The following SMARCD1 variants were observed in gnomAD, a reference collection of about 807,000 sequenced individuals.
The protein encoded by SMARCD1 is SWI/SNF-related matrix-associated actin-dependent regulator of chromatin subfamily D member 1.
SMARCD1 carries 16 observed loss-of-function variants against 70.8 expected under a neutral mutation model. The observed-to-expected ratio is 0.23, with a 90% CI of 0.15 to 0.34. The LOEUF (loss-of-function observed/expected upper bound fraction) is 0.34. Ranked by LOEUF, SMARCD1 falls within the 10% of genes least tolerant of loss-of-function variation. SMARCD1 has a pLI of 1.00. For synonymous variants in SMARCD1, 249 were observed against 246.0 expected, an observed-to-expected ratio of 1.01 and a Z score of -0.11; for missense variants, 409 against 655.5, an observed-to-expected ratio of 0.62 and a Z score of 4.11.
chr12:50,096,251 T>C (rs1410277100), intron 10 of SMARCD1, among the ~76,000 whole-genome samples: 1 of 152,096 alleles, frequency 6.6e-6, no homozygotes, highest in Admixed American at 6.6e-5. Context: ...GTCTCTAGCT[T>C]GGGTGGACAG....
chr12:50,090,372 G>A lies in SMARCD1; in HGVS notation c.1005G>A (p.Glu335=), dbSNP rs1313619009. Residue 335 remains glutamate (E), a synonymous_variant, in exon 8 of 13, where the codon GAG becomes GAA. Transcript: ENST00000394963. ...THKLQDPHER[E]FVICDKYLQQ... Reference sequence around the variant, plus strand: ...AGCTCCAGGACCCTCACGAGCGGGAGTTTGTCATCTGTGACAAGTACCTGC... The same window carrying A: ...AGCTCCAGGACCCTCACGAGCGGGAATTTGTCATCTGTGACAAGTACCTGC... The A allele has an allele frequency of 6.2e-7, 1 of 1,614,090 alleles. No homozygotes were observed. Among genetic ancestry groups the A allele is most frequent in the Non-Finnish European group, 8.5e-7 (1 of 1,180,004 alleles).
intron 5 of SMARCD1, among the ~76,000 whole-genome samples, chr12:50,088,046 G>C (rs1041980142): frequency 1.3e-5 from 2 of 152,140 alleles, no homozygotes; most frequent in Non-Finnish European, 2.9e-5. Context: ...CTGCTCGCAG[G>C]CAAGCTAGTT....
At position 50,088,759 on chromosome 12, in the gene SMARCD1, G is replaced by A. The variant is rs1304378805; in HGVS notation, c.771+122G>A. The A allele has an allele frequency of 2.0e-5, 10 of 503,902 alleles. No homozygotes were observed. The Admixed American group carries it at 2.2e-4, about 11-fold the overall frequency. The allele number at this position is 503,902 out of a possible 1,614,324, so 31.2% of individuals were successfully genotyped here. On this transcript the variant is annotated intron_variant, in intron 6 of 12. Transcript: ENST00000394963. ...AGTCACTCTAGGTGTACACAGTACC[G>A]CTCCAGGTGTACAGTTTGCACATTG...
intron 6 of SMARCD1, 124 bp from the exon 7 acceptor site, chr12:50,089,760 T>A: frequency 1.5e-6 from 1 of 648,340 alleles, no homozygotes; most frequent in Admixed American, 2.7e-5. Context: ...AAATGCCTCA[T>A]GCTATTACTC....
Position 50,087,353 on chromosome 12 carries a change from C to T in SMARCD1, c.532-10C>T. ...AGCCCCACGATCAATCCTGTTTCTGCCTTCCTCAGCAAAAACGGAAGCTGC... is the reference window on the plus strand; with the variant it reads ...AGCCCCACGATCAATCCTGTTTCTGTCTTCCTCAGCAAAAACGGAAGCTGC... On this transcript the variant is annotated splice_polypyrimidine_tract_variant and intron_variant, in intron 4 of 12. Transcript: ENST00000394963. 2 of 1,613,020 alleles carry T rather than the reference C, an allele frequency of 1.2e-6. No homozygotes were observed. The highest frequency in any genetic ancestry group is 2.2e-5 in the South Asian group (2 of 90,974).
At chr12:50,098,480 C>A in intron 11 of SMARCD1, 1 of 536,058 alleles carries the variant, frequency 1.9e-6, no homozygotes, top group Admixed American at 3.4e-5. Flanking sequence ...CTAAATTTCC[C>A]CTCTTTATAA....
chr12:50,086,142 G>T lies in SMARCD1; in HGVS notation c.178-19G>T. Reference sequence around the variant, plus strand: ...AGCAGGTGAAACCATGACATCTCTGGGTCCTCTCCCCTCTGTAGAGACCAG... The same window carrying T: ...AGCAGGTGAAACCATGACATCTCTGTGTCCTCTCCCCTCTGTAGAGACCAG... On this transcript the variant is annotated intron_variant, in intron 1 of 12. Transcript: ENST00000394963. 3 of 1,469,982 alleles carry T rather than the reference G, an allele frequency of 2.0e-6. No individual in the cohort carries two copies. The highest frequency in any genetic ancestry group is 2.7e-6 in the Non-Finnish European group (3 of 1,102,528). 91.1% of individuals were successfully genotyped at this position (1,469,982 alleles called of 1,614,324 possible). A position where few individuals can be genotyped will look rare whatever the true frequency, so the allele number is the denominator to read the frequency against.
chr12:50,092,765 G>A (rs1368740818), intron 9 of SMARCD1, among the ~76,000 whole-genome samples: 4 of 152,040 alleles, frequency 2.6e-5, no homozygotes, highest in African/African-American at 4.8e-5. Flanking sequence ...AGCCAGGCAC[G>A]GTGGCACATT....
chr12:50,093,663 T>C (rs1028250242), intron 9 of SMARCD1, among the ~76,000 whole-genome samples: 1 of 152,056 alleles, frequency 6.6e-6, no homozygotes. Context: ...TTTGAAATTT[T>C]TTGTAGAAAC....
intron 10 of SMARCD1, 56 bp from the exon 11 acceptor site, chr12:50,096,794 T>C (rs1950896857): frequency 6.4e-7 from 1 of 1,560,186 alleles, no homozygotes; most frequent in East Asian, 2.3e-5. Flanking sequence ...CCACCTGCCA[T>C]TTAACTTCTC....
intron 11 of SMARCD1, among the ~76,000 whole-genome samples, chr12:50,097,682 A>C (rs1398862310): frequency 6.6e-6 from 1 of 152,028 alleles, no homozygotes; most frequent in Non-Finnish European, 1.5e-5. Flanking sequence ...ACCTGAGGTC[A>C]GGAGTTTGAG....
At position 50,098,727 on chromosome 12, in the gene SMARCD1, T is replaced by C. The variant is rs1209486937; in HGVS notation, c.1406T>C (p.Val469Ala). 9 of 1,613,704 alleles carry C rather than the reference T, an allele frequency of 5.6e-6. No homozygotes were observed. The highest frequency in any genetic ancestry group is 2.2e-5 in the East Asian group (1 of 44,892). Residue 469 changes from valine (V) to alanine (A), a missense_variant, in exon 12 of 13, where the codon GTG becomes GCG. Coordinates refer to ENST00000394963, the MANE Select transcript of SMARCD1 (RefSeq NM_003076.5). Reference protein sequence around the residue: ...QCRDLKTMTDVVGNPEEERRA... With the variant: ...QCRDLKTMTDAVGNPEEERRA... ...CATTTCCCTCAGACAATGACTGATGTGGTGGGTAACCCAGAGGAGGAGCGC... is the reference window on the plus strand; with the variant it reads ...CATTTCCCTCAGACAATGACTGATGCGGTGGGTAACCCAGAGGAGGAGCGC...
chr12:50,090,445 C>T (rs773301949), intron 8 of SMARCD1, 43 bp downstream of exon 8: 53 of 1,612,912 alleles, frequency 3.3e-5, no homozygotes, highest in Non-Finnish European at 3.8e-5. Context: ...CATTAGAACA[C>T]TAGTTATGCT....
Position 50,098,973 on chromosome 12 carries a change from G to A in SMARCD1, c.1521G>A (p.Glu507=), listed in dbSNP as rs1204119832. The stretch of plus-strand genomic sequence containing the variant: ...TGCAGCAGAGACGACAAGAATTAGA[G>A]CAAGCCCTGGGAATCCGGAATACAT... ...SKVQQRRQEL[E]QALGIRNT is the part of the protein sequence containing the mutation. Residue 507 remains glutamate (E), a synonymous_variant, in exon 13 of 13, where the codon GAG becomes GAA. Coordinates refer to ENST00000394963, the MANE Select transcript of SMARCD1 (RefSeq NM_003076.5). 3.7e-6 allele frequency: 6 copies of A among 1,614,050 alleles called. No homozygotes were observed. In the Admixed American group the frequency reaches 6.7e-5, roughly 18 times the overall value.
chr12:50,096,690 G>T, intron 10 of SMARCD1, 160 bp from the exon 11 acceptor site: 1 of 594,268 alleles, frequency 1.7e-6, no homozygotes, highest in Non-Finnish European at 2.9e-6. Context: ...CTGAAAGAAT[G>T]CCAAGGGTCG....
Position 50,085,496 on chromosome 12 carries a change from G to T in SMARCD1, c.127G>T (p.Ala43Ser). 2 of 1,239,546 alleles carry T rather than the reference G, an allele frequency of 1.6e-6. No individual in the cohort carries two copies. Among genetic ancestry groups the T allele is most frequent in the Non-Finnish European group, 2.0e-6 (2 of 991,542 alleles). 76.8% of individuals were successfully genotyped at this position (1,239,546 alleles called of 1,614,324 possible). A position where few individuals can be genotyped will look rare whatever the true frequency, so the allele number is the denominator to read the frequency against. The change falls in exon 1 of 13, where the codon GCT (alanine) becomes TCT (serine). Residue 43 changes from alanine to serine, a missense_variant. Physicochemically the swap from Ala to Ser is moderately conservative, Grantham distance 99. Coordinates refer to ENST00000394963, the MANE Select transcript of SMARCD1 (RefSeq NM_003076.5). ...GGGGCCTCCTGTGCGAATGGGCCCGGCTCCGGGTCAAGGGCTGTACCGCTC... is the reference window on the plus strand; with the variant it reads ...GGGGCCTCCTGTGCGAATGGGCCCGTCTCCGGGTCAAGGGCTGTACCGCTC... ...TPGPPVRMGPAPGQGLYRSPM... is the reference protein window; with the variant it reads ...TPGPPVRMGPSPGQGLYRSPM...
chr12:50,098,510 TA>T (rs1375829850), intron 11 of SMARCD1: 5 of 584,768 alleles, frequency 8.6e-6, no homozygotes, highest in Admixed American at 3.1e-5. Context: ...CCGGTCATAT[TA>T]GGGGGTACTC....
At chr12:50,089,137 C>G (rs551881982) in intron 6 of SMARCD1, 2 of 152,278 alleles carry the variant, frequency 1.3e-5, no homozygotes, top group African/African-American at 4.8e-5. Flanking sequence ...GATTGCACAA[C>G]GTTTTGAAGC....
intron 12 of SMARCD1, 39 bp downstream of exon 12, chr12:50,098,854 C>T: frequency 6.2e-7 from 1 of 1,604,044 alleles, no homozygotes; most frequent in African/African-American, 1.3e-5. Flanking sequence ...TGACAAAAGG[C>T]ACGGGGTTTT....
Sources: allele counts gnomAD v4.1 joint callset (sites outside exome capture counted in the v4.1 genomes callset), GRCh38; gene constraint gnomAD v4.1.1; transcripts MANE v1.5; gene names NCBI Gene and HGNC (gene_info 2026-07-23, HGNC 2026-07-21).